The following METAP2 variants were observed in gnomAD, a reference collection of about 807,000 sequenced individuals.
The protein encoded by METAP2 is methionyl aminopeptidase 2.
METAP2 carries 25 observed loss-of-function variants against 59.4 expected under a neutral mutation model. That is an observed-to-expected ratio of 0.42 (90% CI 0.31 to 0.59). The LOEUF (loss-of-function observed/expected upper bound fraction) is 0.59, where lower values mean the gene tolerates loss of function less well. METAP2 is among the 20% of genes least tolerant of loss of function. The pLI, the probability that METAP2 is intolerant of heterozygous loss-of-function variation, is 0.16. For missense variants in METAP2, 366 were observed against 581.2 expected (o/e 0.63, Z 3.81); for synonymous variants, 214 against 194.1 (o/e 1.10, Z -0.85).
At chr12:95,508,261 G>A (rs1254237480) in intron 8 of METAP2, among the ~76,000 whole-genome samples, 5 of 152,178 alleles carry the variant, frequency 3.3e-5, no homozygotes, top group Non-Finnish European at 7.4e-5. Context: ...GAATTTAGAA[G>A]ATCTCATTTC....
At chr12:95,479,888 C>T (rs1383039392) in intron 2 of METAP2, among the ~76,000 whole-genome samples, 7 of 152,176 alleles carry the variant, frequency 4.6e-5, no homozygotes, top group South Asian at 2.1e-4. Context: ...GGATTACAGG[C>T]GTGAGCCACC....
Position 95,515,658 on chromosome 12 carries a change from A to T in METAP2, c.*1754A>T, listed in dbSNP as rs1045272990. 2 of 152,196 alleles carry T rather than the reference A, an allele frequency of 1.3e-5. No individual in the cohort carries two copies. The highest frequency in any genetic ancestry group is 4.8e-5 in the African/African-American group (2 of 41,454). The allele number at this position is 152,196 out of a possible 1,614,324, so 9.4% of individuals were successfully genotyped here. A position where few individuals can be genotyped will look rare whatever the true frequency, so the allele number is the denominator to read the frequency against. On this transcript the variant is annotated 3_prime_UTR_variant, in exon 11 of 11. Coordinates refer to ENST00000323666, the MANE Select transcript of METAP2 (RefSeq NM_006838.4). ...CAATGGCATCACTGTATGCCCTTGT[A>T]ATGGCTGGAAGGGACATGATCTTGT... is the stretch of plus-strand genomic sequence containing the variant.
intron 8 of METAP2, among the ~76,000 whole-genome samples, chr12:95,509,852 T>C (rs2076389219): frequency 6.7e-6 from 1 of 149,108 alleles, no homozygotes; most frequent in Admixed American, 6.7e-5. Context: ...CCAACCTTTT[T>C]TTTTTTTTTT....
intron 3 of METAP2, 119 bp downstream of exon 3, chr12:95,483,399 C>T: frequency 1.4e-6 from 1 of 710,194 alleles, no homozygotes; most frequent in Non-Finnish European, 2.4e-6. Flanking sequence ...TTGCTGGAAC[C>T]CAAGAGACGG....
intron 10 of METAP2, 133 bp from the exon 11 acceptor site, chr12:95,513,519 T>C: frequency 1.0e-6 from 1 of 985,064 alleles, no homozygotes; most frequent in Non-Finnish European, 1.5e-6. Flanking sequence ...GGCTTTTGAT[T>C]GTTGAAAGAG....
At chr12:95,499,623 A>C (rs966440946) in intron 7 of METAP2, among the ~76,000 whole-genome samples, 2 of 151,782 alleles carry the variant, frequency 1.3e-5, no homozygotes, top group African/African-American at 4.8e-5. Context: ...ATTGTGTTGA[A>C]TGTGTAGATG....
At chr12:95,505,522 G>A (rs945783781) in intron 8 of METAP2, among the ~76,000 whole-genome samples, 3 of 151,718 alleles carry the variant, frequency 2.0e-5, no homozygotes, top group African/African-American at 7.3e-5. Context: ...GTCTTGCTCT[G>A]TCACCCAGGC....
intron 1 of METAP2, among the ~76,000 whole-genome samples, chr12:95,475,608 G>A (rs2076112309): frequency 6.6e-6 from 1 of 152,144 alleles, no homozygotes; most frequent in Non-Finnish European, 1.5e-5. Context: ...GAGCGTTTTA[G>A]TTTTTTAGTA....
At chr12:95,484,849 G>A (rs1309984408) in intron 3 of METAP2, 1 of 454,740 alleles carries the variant, frequency 2.2e-6, no homozygotes, top group Admixed American at 2.4e-5. Context: ...CCAAATGTGT[G>A]GTTTTTGTGT....
intron 4 of METAP2, 28 bp downstream of exon 4, chr12:95,486,009 T>C (rs775611546): frequency 7.0e-7 from 1 of 1,436,878 alleles, no homozygotes; most frequent in Non-Finnish European, 9.6e-7. Flanking sequence ...ACTTCCAGTT[T>C]AATTTCTGAC....
At chr12:95,505,736 C>G (rs976580279) in intron 8 of METAP2, among the ~76,000 whole-genome samples, 4 of 151,236 alleles carry the variant, frequency 2.6e-5, no homozygotes, top group Admixed American at 2.0e-4. Flanking sequence ...CTCAGGTGAT[C>G]CGCCCACCTC....
chr12:95,511,797 T>G, intron 8 of METAP2, 98 bp from the exon 9 acceptor site: 1 of 753,298 alleles, frequency 1.3e-6, no homozygotes, highest in South Asian at 2.0e-5. Context: ...CATACCTGGT[T>G]TTTGAATAAA....
intron 1 of METAP2, among the ~76,000 whole-genome samples, chr12:95,475,666 A>G (rs947969853): frequency 1.3e-5 from 2 of 152,110 alleles, no homozygotes; most frequent in Non-Finnish European, 1.5e-5. Flanking sequence ...GCCCATCGTG[A>G]TATCCTTATT....
chr12:95,485,729 A>T, intron 3 of METAP2, 150 bp from the exon 4 acceptor site: 2 of 553,926 alleles, frequency 3.6e-6, no homozygotes, highest in Non-Finnish European at 6.2e-6. Flanking sequence ...GGTGGCCAGC[A>T]TGATGAAGTG....
At chr12:95,490,115 G>A (rs1252530228) in intron 4 of METAP2, among the ~76,000 whole-genome samples, 1 of 115,020 alleles carries the variant, frequency 8.7e-6, no homozygotes, top group Non-Finnish European at 1.9e-5. Flanking sequence ...TTTTTTTTTT[G>A]TTTTGAGACA....
intron 8 of METAP2, among the ~76,000 whole-genome samples, chr12:95,508,102 G>T (rs1306433473): frequency 6.6e-6 from 1 of 151,750 alleles, no homozygotes; most frequent in Non-Finnish European, 1.5e-5. Flanking sequence ...TCTACTTTTG[G>T]CTTTTACTTA....
intron 4 of METAP2, among the ~76,000 whole-genome samples, chr12:95,493,039 C>G (rs918766254): frequency 5.9e-5 from 9 of 152,098 alleles, no homozygotes; most frequent in African/African-American, 1.9e-4. Flanking sequence ...GTAATTTATA[C>G]TCAGTGGTCA....
At chr12:95,477,701 G>T (rs1169163818) in intron 2 of METAP2, among the ~76,000 whole-genome samples, 1 of 152,114 alleles carries the variant, frequency 6.6e-6, no homozygotes, top group Non-Finnish European at 1.5e-5. Flanking sequence ...ACCAGCCTGG[G>T]GTTAGGTCTT....
rs752739212 is a variant in METAP2 at position 95,504,084 on chromosome 12, G to A, written c.887G>A (p.Arg296His). The change falls in exon 8 of 11, where the codon CGT (arginine) becomes CAT (histidine). Residue 296 changes from arginine to histidine, a missense_variant. Arg to His is a conservative substitution (Grantham distance 29). This residue lies in a region of METAP2 where 106 missense variants were observed against 221.9 expected (regional missense o/e 0.48). Transcript: ENST00000323666. ...TGIKCAGIDVRLCDVGEAIQE... is the reference protein window; with the variant it reads ...TGIKCAGIDVHLCDVGEAIQE... Reference sequence around the variant, plus strand: ...TTTTAGTGTGCTGGAATTGATGTTCGTCTGTGTGATGTTGGTGAGGCCATC... The same window carrying A: ...TTTTAGTGTGCTGGAATTGATGTTCATCTGTGTGATGTTGGTGAGGCCATC... The A allele has an allele frequency of 3.1e-6, 5 of 1,613,472 alleles. No individual in the cohort carries two copies. Among genetic ancestry groups the A allele is most frequent in the Non-Finnish European group, 4.2e-6 (5 of 1,179,714 alleles).
Sources: gnomAD v4.1 joint callset for allele counts (sites outside exome capture counted in the v4.1 genomes callset) on GRCh38, gnomAD v4.1.1 for gene constraint, gnomAD v4.1.1 regional missense constraint, MANE v1.5 for transcripts, NCBI Gene and HGNC (gene_info 2026-07-23, HGNC 2026-07-21) for gene names.